The following CDK19 variants were observed in gnomAD, a reference collection of about 807,000 sequenced individuals.
The protein encoded by CDK19 is cyclin-dependent kinase 19.
In CDK19, 20 loss-of-function variants were observed where a neutral mutation model predicts 68.3. The ratio of observed to expected loss-of-function variants is 0.29; its 90% CI spans 0.21 to 0.43. CDK19 has a LOEUF of 0.43. Ranked by LOEUF, CDK19 falls within the 20% of genes least tolerant of loss-of-function variation. CDK19 has a pLI of 1.00. For synonymous variants in CDK19, 221 were observed against 222.8 expected, an observed-to-expected ratio of 0.99 and a Z score of 0.07; for missense variants, 339 against 623.5, an observed-to-expected ratio of 0.54 and a Z score of 4.86.
At chr6:110,712,544 T>G (rs191172094) in intron 2 of CDK19, among the ~76,000 whole-genome samples, 118 of 152,318 alleles carry the variant, frequency 7.7e-4, no homozygotes, top group African/African-American at 2.8e-3. Context: ...ACAAAAGAAG[T>G]CTGGGCCTTT....
Position 110,678,990 on chromosome 6 carries a change from A to C in CDK19, c.205-8449T>G, listed in dbSNP as rs1487665452. On this transcript the variant is annotated intron_variant, in intron 2 of 12. Transcript: ENST00000368911. ...AAAGTTTCTCCTTTGAATGGGCTAT[A>C]ATACCAGCTTGGTTCCTTCATTCAA... Among the ~76,000 whole-genome samples, 4 of 152,242 alleles carry C rather than the reference A, an allele frequency of 2.6e-5. No individual in the cohort carries two copies. The East Asian group carries it at 7.7e-4, about 29-fold the overall frequency.
At chr6:110,674,985 G>T (rs1016644422) in intron 2 of CDK19, among the ~76,000 whole-genome samples, 3 of 151,980 alleles carry the variant, frequency 2.0e-5, no homozygotes, top group African/African-American at 7.2e-5. Flanking sequence ...AGGTGGGGAA[G>T]CTGCAGAAGA....
intron 2 of CDK19, among the ~76,000 whole-genome samples, chr6:110,684,365 C>T (rs1406757415): frequency 1.5e-5 from 2 of 137,728 alleles, no homozygotes; most frequent in African/African-American, 5.5e-5. Flanking sequence ...CTTGGGATTT[C>T]GATAATCAAC....
At chr6:110,705,499 C>T (rs1190031136) in intron 2 of CDK19, among the ~76,000 whole-genome samples, 1 of 152,094 alleles carries the variant, frequency 6.6e-6, no homozygotes, top group Non-Finnish European at 1.5e-5. Flanking sequence ...TGCCCAGAAG[C>T]ATTGTAAGGG....
chr6:110,748,009 T>C (rs1052223872), intron 1 of CDK19, among the ~76,000 whole-genome samples: 1 of 152,236 alleles, frequency 6.6e-6, no homozygotes, highest in Non-Finnish European at 1.5e-5. Flanking sequence ...ATCTATCAGG[T>C]ATCTATTGCT....
At chr6:110,740,985 G>A (rs995179060) in intron 2 of CDK19, among the ~76,000 whole-genome samples, 7 of 151,946 alleles carry the variant, frequency 4.6e-5, no homozygotes, top group African/African-American at 1.7e-4. Flanking sequence ...GAAAGAATCA[G>A]AAAACTTAAA....
chr6:110,712,613 T>C (rs1472210043), intron 2 of CDK19, among the ~76,000 whole-genome samples: 4 of 152,224 alleles, frequency 2.6e-5, no homozygotes, highest in Non-Finnish European at 4.4e-5. Context: ...TTGGGGTTCT[T>C]GCCGCCCAGG....
At chr6:110,645,815 G>A in intron 4 of CDK19, 1 of 605,128 alleles carries the variant, frequency 1.7e-6, no homozygotes, top group Non-Finnish European at 3.1e-6. Context: ...GAGACGGAGG[G>A]ATGGCCGCGC....
At chr6:110,627,181 T>A (rs571862861) in intron 6 of CDK19, 36 bp from the exon 7 acceptor site, 2 of 1,523,438 alleles carry the variant, frequency 1.3e-6, no homozygotes, top group South Asian at 2.3e-5. Context: ...TGTATATATT[T>A]CCTTGGTTAT....
chr6:110,653,701 A>G (rs1240832215), intron 4 of CDK19, among the ~76,000 whole-genome samples: 1 of 152,254 alleles, frequency 6.6e-6, no homozygotes, highest in Non-Finnish European at 1.5e-5. Context: ...AAGTCAGGGA[A>G]ATAATGTGAT....
intron 1 of CDK19, among the ~76,000 whole-genome samples, chr6:110,809,045 A>C (rs1251581161): frequency 1.3e-5 from 2 of 150,770 alleles, no homozygotes; most frequent in Non-Finnish European, 3.0e-5. Flanking sequence ...TCTCTACTAA[A>C]AATACAAAAA....
chr6:110,680,361 A>T (rs1266274783), intron 2 of CDK19, among the ~76,000 whole-genome samples: 1 of 152,250 alleles, frequency 6.6e-6, no homozygotes, highest in Non-Finnish European at 1.5e-5. Flanking sequence ...AGAAAATAAC[A>T]CAAAGGAACA....
intron 2 of CDK19, among the ~76,000 whole-genome samples, chr6:110,740,732 T>C (rs1490668987): frequency 6.6e-6 from 1 of 152,152 alleles, no homozygotes; most frequent in African/African-American, 2.4e-5. Flanking sequence ...CTCTCAGCTA[T>C]GTGTGCCTAT....
chr6:110,793,090 T>C (rs56123415), intron 1 of CDK19, among the ~76,000 whole-genome samples: 2,955 of 152,266 alleles, frequency 0.019, 100 homozygotes, highest in African/African-American at 0.068. Context: ...TCACAGTTTG[T>C]TTTTCCTTTG....
chr6:110,797,505 GAAAA>G (rs908771687), intron 1 of CDK19, among the ~76,000 whole-genome samples: 6 of 150,718 alleles, frequency 4.0e-5, no homozygotes, highest in East Asian at 1.9e-4. Context: ...TATTAAGAAA[GAAAA>G]AAAGAAAGAA....
intron 2 of CDK19, among the ~76,000 whole-genome samples, chr6:110,676,875 T>G (rs1771578477): frequency 6.6e-6 from 1 of 152,202 alleles, no homozygotes; most frequent in Non-Finnish European, 1.5e-5. Flanking sequence ...GAACCAAACT[T>G]GCAATATCTC....
rs76114155 is a variant in CDK19 at position 110,781,432 on chromosome 6, C to T, written c.128+33577G>A. Among the ~76,000 whole-genome samples, 1,258 of 152,332 alleles carry T rather than the reference C, an allele frequency of 8.3e-3. 55 individuals are homozygous for T. In the East Asian group the frequency reaches 0.13, roughly 16 times the overall value. ...CCCAAACACTTCCCAGTTAGCCCCA[C>T]TTCCAACACCGGAGATCAATTTCCA... On this transcript the variant is annotated intron_variant, in intron 1 of 12. Coordinates refer to ENST00000368911, the MANE Select transcript of CDK19 (RefSeq NM_015076.5).
chr6:110,720,524 T>C (rs1775781140), intron 2 of CDK19, among the ~76,000 whole-genome samples: 2 of 152,194 alleles, frequency 1.3e-5, no homozygotes, highest in African/African-American at 4.8e-5. Context: ...GGCATTAGCA[T>C]GCTGTTAAAC....
intron 5 of CDK19, among the ~76,000 whole-genome samples, chr6:110,632,501 T>A (rs1007753762): frequency 6.6e-6 from 1 of 151,972 alleles, no homozygotes; most frequent in African/African-American, 2.4e-5. Flanking sequence ...GAGGCCGAGG[T>A]GGGCGGATCA....
Sources: gnomAD v4.1 joint callset for allele counts (sites outside exome capture counted in the v4.1 genomes callset) on GRCh38, gnomAD v4.1.1 for gene constraint, MANE v1.5 for transcripts, NCBI Gene and HGNC (gene_info 2026-07-23, HGNC 2026-07-21) for gene names.